CAMK1D: variants seen among roughly 807,000 people sequenced by gnomAD.
The protein encoded by CAMK1D is calcium/calmodulin-dependent protein kinase type 1D.
Under a neutral mutation model 47.7 loss-of-function variants are expected in CAMK1D, and 9 were observed. That is an observed-to-expected ratio of 0.19 (90% CI 0.11 to 0.33). CAMK1D has a LOEUF of 0.33. Among genes scored for constraint, CAMK1D ranks in the 10% least tolerant of loss-of-function variants. The probability of loss-of-function intolerance (pLI) is 1.00; values close to 1 mark genes in which losing one functional copy is unlikely to be tolerated. For missense variants in CAMK1D, 291 were observed against 488.7 expected (o/e 0.60, Z 3.81); for synonymous variants, 184 against 184.9 (o/e 0.99, Z 0.04).
intron 5 of CAMK1D, among the ~76,000 whole-genome samples, chr10:12,784,198 ATTT>A (rs71386119): frequency 0.056 from 7,573 of 135,988 alleles, 567 homozygotes; most frequent in African/African-American, 0.18. Context: ...GAGAAAAGGT[ATTT>A]TTTTTTTTTT....
intron 3 of CAMK1D, among the ~76,000 whole-genome samples, chr10:12,672,520 C>T (rs1840657157): frequency 6.6e-6 from 1 of 151,734 alleles, no homozygotes; most frequent in Admixed American, 6.6e-5. Context: ...AGGCATGCAC[C>T]ACCACGCCTA....
intron 2 of CAMK1D, among the ~76,000 whole-genome samples, chr10:12,603,744 C>A (rs1460708693): frequency 2.6e-5 from 4 of 152,194 alleles, no homozygotes; most frequent in African/African-American, 7.2e-5. Context: ...TCCCTTGCTT[C>A]TTCTCCAGGA....
intron 5 of CAMK1D, among the ~76,000 whole-genome samples, chr10:12,779,866 A>G (rs1187565124): frequency 1.3e-5 from 2 of 152,194 alleles, no homozygotes; most frequent in Non-Finnish European, 2.9e-5. Context: ...CAGCTGGTCC[A>G]TCGTTCTGTC....
At chr10:12,398,913 G>C (rs1013199985) in intron 1 of CAMK1D, among the ~76,000 whole-genome samples, 4 of 152,074 alleles carry the variant, frequency 2.6e-5, no homozygotes, top group African/African-American at 9.7e-5. Context: ...AAAGAAACCA[G>C]ATGTAACTGA....
At chr10:12,731,971 C>T (rs917199475) in intron 3 of CAMK1D, among the ~76,000 whole-genome samples, 7 of 152,060 alleles carry the variant, frequency 4.6e-5, no homozygotes, top group Admixed American at 6.6e-5. Flanking sequence ...ATGCTGGGCA[C>T]GGTGGCTCAC....
chr10:12,402,736 G>C (rs1245962968), intron 1 of CAMK1D, among the ~76,000 whole-genome samples: 1 of 152,106 alleles, frequency 6.6e-6, no homozygotes, highest in Non-Finnish European at 1.5e-5. Flanking sequence ...TAGACAAAAG[G>C]ATCCCTGAGG....
rs188396247 is a variant in CAMK1D at position 12,525,920 on chromosome 10, A to G, written c.93-27305A>G. Reference sequence around the variant, plus strand: ...TTACAGGTGCTTGCCATCATGACTGATTTTTGTATTTTTAGTAGAGAAGGG... The same window carrying G: ...TTACAGGTGCTTGCCATCATGACTGGTTTTTGTATTTTTAGTAGAGAAGGG... On this transcript the variant is annotated intron_variant, in intron 1 of 10. Coordinates refer to ENST00000619168, the MANE Select transcript of CAMK1D (RefSeq NM_153498.4). Among the ~76,000 whole-genome samples the G allele has an allele frequency of 1.9e-3, 296 of 152,000 alleles. 4 individuals carry two copies. Among genetic ancestry groups the G allele is most frequent in the South Asian group, 2.5e-3 (12 of 4,818 alleles).
chr10:12,492,341 T>A (rs1167513630), intron 1 of CAMK1D, among the ~76,000 whole-genome samples: 2 of 120,010 alleles, frequency 1.7e-5, no homozygotes, highest in African/African-American at 6.1e-5. Flanking sequence ...GAGTAACACC[T>A]CATCTCAAAA....
chr10:12,699,878 G>T (rs1332743803), intron 3 of CAMK1D, among the ~76,000 whole-genome samples: 1 of 151,978 alleles, frequency 6.6e-6, no homozygotes, highest in African/African-American at 2.4e-5. Context: ...TTCAATTTTA[G>T]CAGAATTCAT....
chr10:12,431,990 A>G (rs1410747161), intron 1 of CAMK1D, among the ~76,000 whole-genome samples: 1 of 152,176 alleles, frequency 6.6e-6, no homozygotes, highest in African/African-American at 2.4e-5. Context: ...AAGGCCGACC[A>G]TGTCTCCTTG....
intron 5 of CAMK1D, among the ~76,000 whole-genome samples, chr10:12,790,242 T>C (rs1837919334): frequency 6.6e-6 from 1 of 152,202 alleles, no homozygotes; most frequent in African/African-American, 2.4e-5. Flanking sequence ...GATGGGAAAA[T>C]GCAATGAGCA....
At chr10:12,525,541 CTG>C (rs1835593227) in intron 1 of CAMK1D, among the ~76,000 whole-genome samples, 2 of 151,678 alleles carry the variant, frequency 1.3e-5, no homozygotes, top group East Asian at 3.9e-4. Context: ...TTCAATTATT[CTG>C]TGTTTCAAGT....
At chr10:12,517,817 T>C (rs1444335705) in intron 1 of CAMK1D, among the ~76,000 whole-genome samples, 1 of 152,214 alleles carries the variant, frequency 6.6e-6, no homozygotes, top group Admixed American at 6.5e-5. Context: ...ATGGAGAATA[T>C]TGGTACTATT....
At chr10:12,412,693 C>CAA (rs571912414) in intron 1 of CAMK1D, among the ~76,000 whole-genome samples, 7,930 of 44,920 alleles carry the variant, frequency 0.18, 917 homozygotes, top group Middle Eastern at 0.23. Context: ...GAGACGCCAT[C>CAA]AAAAAAAAAA....
intron 1 of CAMK1D, among the ~76,000 whole-genome samples, chr10:12,355,960 A>T (rs1204859303): frequency 6.6e-6 from 1 of 152,044 alleles, no homozygotes. Flanking sequence ...GCTTGAGGTG[A>T]CGCTTGAATG....
chr10:12,664,466 G>A (rs1385819777), intron 2 of CAMK1D, among the ~76,000 whole-genome samples: 3 of 151,686 alleles, frequency 2.0e-5, no homozygotes, highest in Non-Finnish European at 4.4e-5. Flanking sequence ...GTGTATCAAA[G>A]GAGGGGAATG....
chr10:12,358,502 C>T (rs1213840680), intron 1 of CAMK1D, among the ~76,000 whole-genome samples: 2 of 152,188 alleles, frequency 1.3e-5, no homozygotes, highest in East Asian at 1.9e-4. Flanking sequence ...CACTCCACTC[C>T]AGCTTGGGCG....
intron 1 of CAMK1D, among the ~76,000 whole-genome samples, chr10:12,549,309 G>A (rs1836503984): frequency 6.6e-6 from 1 of 152,170 alleles, no homozygotes; most frequent in Admixed American, 6.5e-5. Context: ...AGAATCATAC[G>A]GTATTTGGCT....
At chr10:12,819,187 C>T (rs1588966054) in intron 8 of CAMK1D, among the ~76,000 whole-genome samples, 1 of 152,164 alleles carries the variant, frequency 6.6e-6, no homozygotes, top group East Asian at 1.9e-4. Flanking sequence ...GGGAGAGGGG[C>T]ACAGAGGGCC....
Sources: gnomAD v4.1 joint callset for allele counts (sites outside exome capture counted in the v4.1 genomes callset) on GRCh38, gnomAD v4.1.1 for gene constraint, MANE v1.5 for transcripts, NCBI Gene and HGNC (gene_info 2026-07-23, HGNC 2026-07-21) for gene names.